The following RBFOX1 variants were observed in gnomAD, a reference collection of about 807,000 sequenced individuals.
RBFOX1 encodes the protein RNA binding protein fox-1 homolog 1.
RBFOX1 carries 8 observed loss-of-function variants against 57.7 expected under a neutral mutation model. That is an observed-to-expected ratio of 0.14 (90% CI 0.08 to 0.25). RBFOX1 has a LOEUF of 0.25. Ranked by LOEUF, RBFOX1 falls within the 10% of genes least tolerant of loss-of-function variation. The probability of loss-of-function intolerance (pLI) is 1.00; values close to 1 mark genes in which losing one functional copy is unlikely to be tolerated. For synonymous variants in RBFOX1, 326 were observed against 222.4 expected (o/e 1.47, Z -4.15); for missense variants, 611 against 548.5 (o/e 1.11, Z -1.14).
chr16:7,070,018 T>C (rs1219124747), intron 4 of RBFOX1, among the ~76,000 whole-genome samples: 1 of 152,194 alleles, frequency 6.6e-6, no homozygotes, highest in Non-Finnish European at 1.5e-5. Context: ...CATCATCCTT[T>C]TGCCATCAGT....
chr16:6,225,002 A>G (rs2097405305), intron 1 of RBFOX1, among the ~76,000 whole-genome samples: 1 of 144,082 alleles, frequency 6.9e-6, no homozygotes, highest in Admixed American at 7.1e-5. Flanking sequence ...CTGGGCAACA[A>G]GAGCAAAACT....
chr16:6,373,474 G>A (rs2090765150), intron 2 of RBFOX1, among the ~76,000 whole-genome samples: 1 of 152,038 alleles, frequency 6.6e-6, no homozygotes, highest in Non-Finnish European at 1.5e-5. Flanking sequence ...TCTTTGGGTA[G>A]GAGGATGGTT....
At chr16:7,397,052 A>G (rs17143555) in intron 4 of RBFOX1, among the ~76,000 whole-genome samples, 100,823 of 152,182 alleles carry the variant, frequency 0.66, 33,827 homozygotes, top group East Asian at 0.94. Context: ...CGTGAGGTCT[A>G]ACTTGCTTAA....
chr16:5,511,373 G>A (rs1457438417), intron 2 of RBFOX1, among the ~76,000 whole-genome samples: 1 of 152,186 alleles, frequency 6.6e-6, no homozygotes, highest in African/African-American at 2.4e-5. Context: ...AGGGATGGTG[G>A]TGGGGGGTGC....
At chr16:6,255,326 G>A (rs994106796) in intron 1 of RBFOX1, among the ~76,000 whole-genome samples, 8 of 152,126 alleles carry the variant, frequency 5.3e-5, no homozygotes, top group African/African-American at 1.4e-4. Flanking sequence ...TTCACTTGGG[G>A]CCCTTTTCTC....
intron 3 of RBFOX1, among the ~76,000 whole-genome samples, chr16:7,025,060 G>A: frequency 6.6e-6 from 1 of 152,280 alleles, no homozygotes; most frequent in Admixed American, 6.5e-5. Flanking sequence ...GACAAGAGTT[G>A]AGGGCGTGTC....
At chr16:7,413,035 C>G (rs951640585) in intron 4 of RBFOX1, among the ~76,000 whole-genome samples, 5 of 151,392 alleles carry the variant, frequency 3.3e-5, no homozygotes, top group African/African-American at 1.2e-4. Flanking sequence ...GAGCGAGACT[C>G]CGTCTCAAAA....
At chr16:6,627,664 T>A (rs554160907) in intron 2 of RBFOX1, among the ~76,000 whole-genome samples, 2 of 152,232 alleles carry the variant, frequency 1.3e-5, no homozygotes, top group South Asian at 4.1e-4. Flanking sequence ...TAAAGTAACT[T>A]TCCAGAAAAA....
At chr16:5,557,505 G>A (rs939758820) in intron 2 of RBFOX1, among the ~76,000 whole-genome samples, 4 of 152,112 alleles carry the variant, frequency 2.6e-5, no homozygotes, top group African/African-American at 9.7e-5. Flanking sequence ...TTGCGGTAAG[G>A]GGTATCAGAG....
intron 4 of RBFOX1, among the ~76,000 whole-genome samples, chr16:7,480,200 G>C (rs371145419): frequency 2.0e-4 from 30 of 152,310 alleles, no homozygotes; most frequent in African/African-American, 7.0e-4. Context: ...TTTGGGTGAG[G>C]GGATGTTCGT....
intron 1 of RBFOX1, among the ~76,000 whole-genome samples, chr16:5,338,407 T>G (rs1273436037): frequency 2.6e-5 from 4 of 152,098 alleles, no homozygotes; most frequent in Non-Finnish European, 4.4e-5. Context: ...TGACCTTTCT[T>G]GCCAAGGAGA....
intron 12 of RBFOX1, chr16:7,664,713 C>T (rs1482101563): frequency 8.3e-6 from 6 of 725,352 alleles, no homozygotes; most frequent in Non-Finnish European, 1.3e-5. Flanking sequence ...GCCACCACCA[C>T]ATCCTAATTC....
intron 14 of RBFOX1, among the ~76,000 whole-genome samples, chr16:7,692,026 T>C (rs1260383020): frequency 6.6e-6 from 1 of 152,140 alleles, no homozygotes; most frequent in Admixed American, 6.6e-5. Flanking sequence ...GTAAGTCAAA[T>C]ATTCAACCAA....
chr16:5,392,500 GGAGT>G (rs1244951943), intron 1 of RBFOX1, among the ~76,000 whole-genome samples: 6 of 151,012 alleles, frequency 4.0e-5, no homozygotes, highest in Non-Finnish European at 8.8e-5. Flanking sequence ...AATGTGGGAT[GGAGT>G]ATGTCTAATG....
chr16:7,018,640 G>T (rs540078223), intron 3 of RBFOX1, among the ~76,000 whole-genome samples: 1 of 152,156 alleles, frequency 6.6e-6, no homozygotes, highest in African/African-American at 2.4e-5. Context: ...CTAGATCCTT[G>T]AGGAATTGCC....
chr16:5,493,487 A>T (rs148223738), intron 2 of RBFOX1, among the ~76,000 whole-genome samples: 1 of 152,362 alleles, frequency 6.6e-6, no homozygotes, highest in East Asian at 1.9e-4. Flanking sequence ...TCCACGTTGA[A>T]GCAAAAAGTA....
chr16:6,741,343 AAAAG>A (rs2072043354), intron 3 of RBFOX1, among the ~76,000 whole-genome samples: 1 of 152,114 alleles, frequency 6.6e-6, no homozygotes, highest in African/African-American at 2.4e-5. Context: ...AAGGGTCTAT[AAAAG>A]AAAAAAATGA....
intron 4 of RBFOX1, among the ~76,000 whole-genome samples, chr16:7,113,402 T>C (rs1351377244): frequency 6.6e-6 from 1 of 152,128 alleles, no homozygotes; most frequent in East Asian, 1.9e-4. Flanking sequence ...AGATAAAAAG[T>C]TTCCCTTCTT....
intron 4 of RBFOX1, among the ~76,000 whole-genome samples, chr16:7,204,685 C>T (rs1404216763): frequency 1.3e-5 from 2 of 152,150 alleles, no homozygotes; most frequent in Non-Finnish European, 2.9e-5. Flanking sequence ...TGTTCTAAGA[C>T]ATCAGGGATT....
Sources: allele counts gnomAD v4.1 joint callset (sites outside exome capture counted in the v4.1 genomes callset), GRCh38; gene constraint gnomAD v4.1.1; transcripts MANE v1.5; gene names NCBI Gene and HGNC (gene_info 2026-07-23, HGNC 2026-07-21).